Variants in EYS observed in about 807,000 individuals in gnomAD.
The protein encoded by EYS is protein eyes shut homolog.
In EYS, 250 loss-of-function variants were observed where a neutral mutation model predicts 282.1. That is an observed-to-expected ratio of 0.89 (90% confidence interval 0.80 to 0.98). The LOEUF (loss-of-function observed/expected upper bound fraction) is 0.98. Among genes scored for constraint, EYS ranks in the 50% least tolerant of loss-of-function variants. The pLI is 0.00. For synonymous variants in EYS, 1,355 were observed against 1,282.9 expected (o/e 1.06, Z -1.20); for missense variants, 4,016 against 3,709.0 (o/e 1.08, Z -2.15).
At chr6:64,548,778 T>C (rs1036498577) in intron 26 of EYS, among the ~76,000 whole-genome samples, 1 of 151,966 alleles carries the variant, frequency 6.6e-6, no homozygotes, top group Admixed American at 6.6e-5. Context: ...TGTATACATA[T>C]GTAACAAACC....
At chr6:64,458,092 G>A (rs909488315) in intron 26 of EYS, among the ~76,000 whole-genome samples, 1 of 151,930 alleles carries the variant, frequency 6.6e-6, no homozygotes, top group African/African-American at 2.4e-5. Context: ...GGCCCACATT[G>A]TAAATTCATG....
chr6:65,007,868 T>C (rs1440968382), intron 13 of EYS, among the ~76,000 whole-genome samples: 1 of 152,238 alleles, frequency 6.6e-6, no homozygotes, highest in Non-Finnish European at 1.5e-5. Context: ...ATTGATGTTT[T>C]ACAAGAGTTA....
intron 12 of EYS, among the ~76,000 whole-genome samples, chr6:65,211,728 G>A (rs952973352): frequency 6.6e-6 from 1 of 151,814 alleles, no homozygotes; most frequent in East Asian, 1.9e-4. Context: ...AGGAATATCT[G>A]TAGGAGGGGC....
intron 15 of EYS, among the ~76,000 whole-genome samples, chr6:64,940,273 A>C (rs571524847): frequency 6.6e-6 from 1 of 151,668 alleles, no homozygotes; most frequent in South Asian, 2.1e-4. Context: ...AACTTTTGCA[A>C]CCCTAGGTGT....
chr6:64,223,563 C>G (rs1330486034), intron 31 of EYS, among the ~76,000 whole-genome samples: 1 of 152,018 alleles, frequency 6.6e-6, no homozygotes, highest in Non-Finnish European at 1.5e-5. Context: ...ACCTTGTATT[C>G]TAGTTCTACA....
intron 12 of EYS, among the ~76,000 whole-genome samples, chr6:65,074,777 T>C (rs997601413): frequency 6.6e-6 from 1 of 151,976 alleles, no homozygotes; most frequent in Non-Finnish European, 1.5e-5. Context: ...CATAATTGAC[T>C]GCTGAGACAG....
intron 31 of EYS, among the ~76,000 whole-genome samples, chr6:64,164,656 A>G (rs537065645): frequency 5.3e-4 from 81 of 152,112 alleles, no homozygotes; most frequent in Non-Finnish European, 7.9e-4. Context: ...AGGTTGTTCA[A>G]TGCTTCATTT....
intron 35 of EYS, among the ~76,000 whole-genome samples, chr6:63,889,880 T>G (rs1252252276): frequency 6.6e-6 from 1 of 151,652 alleles, no homozygotes; most frequent in African/African-American, 2.4e-5. Flanking sequence ...GAGACCCATC[T>G]CACGTACAAA....
intron 12 of EYS, among the ~76,000 whole-genome samples, chr6:65,266,991 G>T (rs76948505): frequency 0.12 from 11,633 of 100,660 alleles, 538 homozygotes; most frequent in African/African-American, 0.2. Flanking sequence ...TATATATATA[G>T]AGAGAGAGAG....
At chr6:64,414,394 G>A (rs983625443) in intron 28 of EYS, among the ~76,000 whole-genome samples, 1 of 152,024 alleles carries the variant, frequency 6.6e-6, no homozygotes, top group Non-Finnish European at 1.5e-5. Flanking sequence ...TAAAGATGTG[G>A]CAAGATTGTC....
chr6:64,255,641 A>C (rs1767368499), intron 30 of EYS, among the ~76,000 whole-genome samples: 1 of 152,098 alleles, frequency 6.6e-6, no homozygotes, highest in Non-Finnish European at 1.5e-5. Flanking sequence ...TTTAAAAATC[A>C]TTACTATATT....
At chr6:64,817,310 C>G (rs988654610) in intron 21 of EYS, among the ~76,000 whole-genome samples, 1 of 152,020 alleles carries the variant, frequency 6.6e-6, no homozygotes, top group Non-Finnish European at 1.5e-5. Context: ...TCAAATAAAT[C>G]TGGATACTTG....
intron 33 of EYS, among the ~76,000 whole-genome samples, chr6:64,048,692 AT>A (rs36035102): frequency 0.21 from 32,254 of 150,614 alleles, 3,689 homozygotes; most frequent in Middle Eastern, 0.34. Flanking sequence ...TCATCTAGTC[AT>A]TTTTTTTTGT....
chr6:65,038,491 A>AT (rs1239705889), intron 13 of EYS, among the ~76,000 whole-genome samples: 2 of 151,356 alleles, frequency 1.3e-5, no homozygotes, highest in South Asian at 2.1e-4. Flanking sequence ...GTTGACAGAT[A>AT]TTTTTTTGTT....
At chr6:64,151,319 A>ATT (rs1382641167) in intron 31 of EYS, among the ~76,000 whole-genome samples, 21 of 25,458 alleles carry the variant, frequency 8.2e-4, no homozygotes, top group East Asian at 5.9e-3. Context: ...GTGTATATTT[A>ATT]TATATATATA....
At chr6:65,684,313 T>G (rs1475333105) in intron 1 of EYS, among the ~76,000 whole-genome samples, 2 of 151,978 alleles carry the variant, frequency 1.3e-5, no homozygotes, top group Non-Finnish European at 2.9e-5. Context: ...TAATAACATT[T>G]TAATGGATTA....
At chr6:65,071,833 G>C (rs919803923) in intron 12 of EYS, among the ~76,000 whole-genome samples, 1 of 151,804 alleles carries the variant, frequency 6.6e-6, no homozygotes, top group Admixed American at 6.6e-5. Context: ...ACAGTGTTCG[G>C]AAGTGTAACA....
rs528180902 is a variant in EYS at position 64,322,959 on chromosome 6, C to T, written c.6079-15877G>A. Among the ~76,000 whole-genome samples, 12 of 152,176 alleles carry T rather than the reference C, an allele frequency of 7.9e-5. 1 individual carries two copies. In the South Asian group the frequency reaches 1.9e-3, roughly 24 times the overall value. Reference sequence around the variant, plus strand: ...CAGTACAATCTCTACAGCACCTACCCCATCCTCAGACATTCACACACATAA... The same window carrying T: ...CAGTACAATCTCTACAGCACCTACCTCATCCTCAGACATTCACACACATAA... On this transcript the variant is annotated intron_variant, in intron 29 of 42. Transcript: ENST00000503581.
At chr6:65,624,595 G>A (rs1409244480) in intron 2 of EYS, among the ~76,000 whole-genome samples, 1 of 152,098 alleles carries the variant, frequency 6.6e-6, no homozygotes, top group Non-Finnish European at 1.5e-5. Flanking sequence ...ATAGGGAGAG[G>A]CAGACCCACC....
Sources: gnomAD v4.1 joint callset for allele counts (sites outside exome capture counted in the v4.1 genomes callset) on GRCh38, gnomAD v4.1.1 for gene constraint, MANE v1.5 for transcripts, NCBI Gene and HGNC (gene_info 2026-07-23, HGNC 2026-07-21) for gene names.